The following GPC5 variants were observed in gnomAD, a reference collection of about 807,000 sequenced individuals.
The protein encoded by GPC5 is glypican-5.
A neutral mutation model predicts 53.9 loss-of-function variants in GPC5; 47 were observed. The observed-to-expected ratio is 0.87, with a 90% CI of 0.69 to 1.11. The LOEUF (loss-of-function observed/expected upper bound fraction) is 1.11, where lower values mean the gene tolerates loss of function less well. Among genes scored for constraint, GPC5 ranks in the 50% most tolerant of loss-of-function variants. The pLI is 0.00. For missense variants in GPC5, 748 were observed against 713.1 expected, an observed-to-expected ratio of 1.05 and a Z score of -0.56; for synonymous variants, 286 against 263.3, an observed-to-expected ratio of 1.09 and a Z score of -0.84.
intron 2 of GPC5, among the ~76,000 whole-genome samples, chr13:91,589,925 T>G (rs1328594502): frequency 1.3e-5 from 2 of 152,176 alleles, no homozygotes; most frequent in Non-Finnish European, 2.9e-5. Context: ...TATTAAATAC[T>G]CTTCAGTCCT....
intron 7 of GPC5, among the ~76,000 whole-genome samples, chr13:92,789,493 A>G (rs148515647): frequency 1.5e-3 from 229 of 152,258 alleles, no homozygotes; most frequent in African/African-American, 5.2e-3. Flanking sequence ...TTATTTAACA[A>G]ACTCAGGTCA....
Position 92,385,588 on chromosome 13 carries a change from C to CATGTAT in GPC5, c.1561+240599_1561+240600insATGTAT, listed in dbSNP as rs1566567932. Among the ~76,000 whole-genome samples the CATGTAT allele has an allele frequency of 9.3e-5, 12 of 128,592 alleles. No individual in the cohort carries two copies. In the Admixed American group the frequency reaches 1.1e-3, roughly 11 times the overall value. 84.4% of individuals were successfully genotyped at this position (128,592 alleles called of 152,430 possible). Reference sequence around the variant, plus strand: ...TACATATACGCATATATAATATATACGCATATATACATATATACACATATA... The same window carrying CATGTAT: ...TACATATACGCATATATAATATATACATGTATGCATATATACATATATACACATATA... On this transcript the variant is annotated intron_variant, in intron 7 of 7. Transcript: ENST00000377067.
At chr13:92,258,809 G>A (rs2042744874) in intron 7 of GPC5, among the ~76,000 whole-genome samples, 1 of 152,128 alleles carries the variant, frequency 6.6e-6, no homozygotes, top group South Asian at 2.1e-4. Context: ...GCCAGGCATG[G>A]AAATGCACCT....
chr13:91,582,174 C>T (rs1421634643), intron 2 of GPC5, among the ~76,000 whole-genome samples: 1 of 151,950 alleles, frequency 6.6e-6, no homozygotes, highest in Non-Finnish European at 1.5e-5. Flanking sequence ...GGTTTAGACT[C>T]CAAAGATCTT....
rs151252938 is a variant in GPC5 at position 91,677,189 on chromosome 13, G to T, written c.326-15998G>T. On this transcript the variant is annotated intron_variant, in intron 2 of 7. Coordinates refer to ENST00000377067, the MANE Select transcript of GPC5 (RefSeq NM_004466.6). ...AATTCTTTCAAATGAAAGAAAAAGG[G>T]AATCATAAGCAGGGGTGCAATACAG... Among the ~76,000 whole-genome samples, 29 of 152,256 alleles carry T rather than the reference G, an allele frequency of 1.9e-4. 1 individual carries two copies. In the East Asian group the frequency reaches 5.6e-3, roughly 29 times the overall value.
chr13:91,499,027 G>C (rs1194660174), intron 2 of GPC5, among the ~76,000 whole-genome samples: 1 of 152,092 alleles, frequency 6.6e-6, no homozygotes, highest in African/African-American at 2.4e-5. Context: ...CCATGATTAG[G>C]GATGGGGCTC....
intron 2 of GPC5, among the ~76,000 whole-genome samples, chr13:91,639,765 G>A (rs148480433): frequency 7.4e-4 from 113 of 152,288 alleles, no homozygotes; most frequent in African/African-American, 2.6e-3. Context: ...TCCTATTCAT[G>A]GAGGACATAT....
intron 7 of GPC5, among the ~76,000 whole-genome samples, chr13:92,392,678 A>G (rs1194005831): frequency 1.3e-5 from 2 of 152,206 alleles, no homozygotes; most frequent in African/African-American, 4.8e-5. Context: ...GATAGCCAAT[A>G]TTTGTAAGGT....
chr13:91,557,182 G>C (rs572211763), intron 2 of GPC5, among the ~76,000 whole-genome samples: 3 of 152,080 alleles, frequency 2.0e-5, no homozygotes, highest in African/African-American at 7.2e-5. Flanking sequence ...ATGTATGAGC[G>C]ATTCCGTTTC....
chr13:92,598,389 T>A (rs1566312157), intron 7 of GPC5, among the ~76,000 whole-genome samples: 1 of 146,528 alleles, frequency 6.8e-6, no homozygotes, highest in African/African-American at 2.6e-5. Context: ...TCAGATCAAA[T>A]TTTTTTTTTT....
At chr13:92,504,709 T>C (rs981694486) in intron 7 of GPC5, among the ~76,000 whole-genome samples, 2 of 151,864 alleles carry the variant, frequency 1.3e-5, no homozygotes, top group African/African-American at 4.8e-5. Context: ...TTGACAAAGG[T>C]GCAAAGGCAA....
At chr13:92,183,303 C>T (rs1038208967) in intron 7 of GPC5, among the ~76,000 whole-genome samples, 2 of 152,164 alleles carry the variant, frequency 1.3e-5, no homozygotes, top group African/African-American at 4.8e-5. Flanking sequence ...CCTCTGTCAA[C>T]ATGAGCTTGA....
At chr13:92,482,185 C>T (rs1879384314) in intron 7 of GPC5, among the ~76,000 whole-genome samples, 1 of 152,100 alleles carries the variant, frequency 6.6e-6, no homozygotes, top group Admixed American at 6.6e-5. Context: ...TGACACACTG[C>T]CCCATATCCT....
chr13:91,406,153 C>G (rs746060788), intron 1 of GPC5, among the ~76,000 whole-genome samples: 1 of 152,140 alleles, frequency 6.6e-6, no homozygotes, highest in Non-Finnish European at 1.5e-5. Flanking sequence ...CTAACGTGTA[C>G]CTTATTGACT....
intron 7 of GPC5, among the ~76,000 whole-genome samples, chr13:92,252,818 A>G (rs1218377792): frequency 2.6e-5 from 4 of 152,148 alleles, no homozygotes; most frequent in South Asian, 2.1e-4. Flanking sequence ...CCTAAAAACA[A>G]TTACAAATGT....
intron 2 of GPC5, among the ~76,000 whole-genome samples, chr13:91,572,877 G>T (rs2031988298): frequency 6.6e-6 from 1 of 152,044 alleles, no homozygotes; most frequent in Non-Finnish European, 1.5e-5. Flanking sequence ...CTTATTTCCT[G>T]ATCCTTTTGT....
chr13:91,835,598 G>A (rs796912914), intron 5 of GPC5, among the ~76,000 whole-genome samples: 6 of 152,216 alleles, frequency 3.9e-5, no homozygotes, highest in African/African-American at 1.2e-4. Flanking sequence ...CGTGCATGAA[G>A]CTGGAAACCA....
intron 7 of GPC5, among the ~76,000 whole-genome samples, chr13:92,704,044 T>C (rs1217124185): frequency 6.6e-6 from 1 of 152,094 alleles, no homozygotes; most frequent in Non-Finnish European, 1.5e-5. Flanking sequence ...ATAAAATATG[T>C]TAACTTGGAC....
At chr13:91,713,690 G>A (rs1322812948) in intron 3 of GPC5, among the ~76,000 whole-genome samples, 1 of 151,986 alleles carries the variant, frequency 6.6e-6, no homozygotes, top group African/African-American at 2.4e-5. Flanking sequence ...TTAAAACCCA[G>A]AAATCCAGAA....
Sources: gnomAD v4.1 joint callset for allele counts (sites outside exome capture counted in the v4.1 genomes callset) on GRCh38, gnomAD v4.1.1 for gene constraint, MANE v1.5 for transcripts, NCBI Gene and HGNC (gene_info 2026-07-23, HGNC 2026-07-21) for gene names.